DPP6: variants seen among roughly 807,000 people sequenced by gnomAD.
The protein encoded by DPP6 is A-type potassium channel modulatory protein DPP6.
A neutral mutation model predicts 122.6 loss-of-function variants in DPP6; 69 were observed. The observed-to-expected ratio is 0.56, with a 90% CI of 0.46 to 0.69. The LOEUF (loss-of-function observed/expected upper bound fraction) is 0.69. DPP6 is among the 30% of genes least tolerant of loss of function. The pLI, the probability that DPP6 is intolerant of heterozygous loss-of-function variation, is 0.00. For missense variants in DPP6, 928 were observed against 1,116.9 expected (o/e 0.83, Z 2.41); for synonymous variants, 418 against 433.1 (o/e 0.97, Z 0.43).
chr7:154,748,101 C>T (rs1432821002), intron 8 of DPP6, among the ~76,000 whole-genome samples: 2 of 152,292 alleles, frequency 1.3e-5, no homozygotes, highest in African/African-American at 2.4e-5. Flanking sequence ...GAACTCCTCC[C>T]GCTTCCGGCA....
chr7:153,944,338 G>A (rs915051936), intron 1 of DPP6, among the ~76,000 whole-genome samples: 5 of 152,180 alleles, frequency 3.3e-5, no homozygotes, highest in Non-Finnish European at 5.9e-5. Flanking sequence ...CACCCGAGGC[G>A]TGTGCTTGGA....
At chr7:153,898,695 G>A (rs894996099) in intron 1 of DPP6, among the ~76,000 whole-genome samples, 6 of 152,156 alleles carry the variant, frequency 3.9e-5, no homozygotes, top group African/African-American at 9.7e-5. Context: ...GAAAATGGCC[G>A]TCTTCAGTTG....
At chr7:154,678,103 G>T (rs1429852863) in intron 7 of DPP6, among the ~76,000 whole-genome samples, 1 of 152,166 alleles carries the variant, frequency 6.6e-6, no homozygotes, top group African/African-American at 2.4e-5. Context: ...AGTGCTCTGT[G>T]TCTAGCTAAA....
chr7:154,873,833 A>C (rs1436906647), intron 19 of DPP6, among the ~76,000 whole-genome samples: 3 of 129,664 alleles, frequency 2.3e-5, no homozygotes, highest in Admixed American at 1.5e-4. Context: ...CGCATACATA[A>C]ACACACACAT....
At chr7:154,474,813 T>C (rs1385906460) in intron 2 of DPP6, 126 bp from the exon 3 acceptor site, 1 of 667,472 alleles carries the variant, frequency 1.5e-6, no homozygotes, top group African/African-American at 1.8e-5. Flanking sequence ...TTTATCCCCA[T>C]TCACTTATGG....
chr7:153,896,697 T>A (rs1799428695), intron 1 of DPP6, among the ~76,000 whole-genome samples: 1 of 152,148 alleles, frequency 6.6e-6, no homozygotes, highest in Admixed American at 6.6e-5. Context: ...GCTGTCATCC[T>A]AGCTACTGAG....
At chr7:153,913,001 C>T (rs190735934) in intron 1 of DPP6, among the ~76,000 whole-genome samples, 3 of 152,134 alleles carry the variant, frequency 2.0e-5, no homozygotes, top group Admixed American at 6.5e-5. Flanking sequence ...TGGTAACCAA[C>T]GATGGAGGTT....
intron 1 of DPP6, among the ~76,000 whole-genome samples, chr7:154,269,099 C>G: frequency 6.6e-6 from 1 of 150,710 alleles, no homozygotes; most frequent in Admixed American, 6.7e-5. Flanking sequence ...CATTTTTAAG[C>G]CCCTGTGATA....
chr7:154,604,404 C>T (rs1473871940), intron 5 of DPP6, among the ~76,000 whole-genome samples: 1 of 120,160 alleles, frequency 8.3e-6, no homozygotes, highest in African/African-American at 2.6e-5. Flanking sequence ...TATTATTTGC[C>T]TTTTACTCTT....
rs144167621 is a variant in DPP6 at position 154,710,059 on chromosome 7, G to T, written c.763-17708G>T. Among the ~76,000 whole-genome samples, 42 of 152,342 alleles carry T rather than the reference G, an allele frequency of 2.8e-4. No individual in the cohort carries two copies. The East Asian group carries it at 6.6e-3, about 24-fold the overall frequency. ...GACGTCACACATGTGCACCTCTCCT[G>T]CAGTATTCAATGCTGCTGTCCCCCC... is the stretch of plus-strand genomic sequence containing the variant. On this transcript the variant is annotated intron_variant, in intron 7 of 25. Transcript: ENST00000377770.
intron 1 of DPP6, among the ~76,000 whole-genome samples, chr7:153,896,907 C>T (rs1276771825): frequency 6.6e-6 from 1 of 152,168 alleles, no homozygotes; most frequent in Non-Finnish European, 1.5e-5. Flanking sequence ...TTGCATTTAT[C>T]AGACCAAATC....
At chr7:154,172,258 G>A (rs916126487) in intron 1 of DPP6, among the ~76,000 whole-genome samples, 1 of 152,066 alleles carries the variant, frequency 6.6e-6, no homozygotes, top group Non-Finnish European at 1.5e-5. Context: ...TTATGTTGAC[G>A]AGAAGGAAAG....
chr7:154,200,929 A>G (rs1039355190), intron 1 of DPP6, among the ~76,000 whole-genome samples: 7 of 152,078 alleles, frequency 4.6e-5, no homozygotes, highest in African/African-American at 1.7e-4. Flanking sequence ...TCTTCTTAGA[A>G]TTGGTTTCCT....
Position 154,807,044 on chromosome 7 carries a change from T to C in DPP6, c.1598T>C (p.Val533Ala), listed in dbSNP as rs1798741154. The C allele has an allele frequency of 9.3e-6, 15 of 1,613,916 alleles. No homozygotes were observed. Among genetic ancestry groups the C allele is most frequent in the Non-Finnish European group, 1.3e-5 (15 of 1,179,868 alleles). Residue 533 changes from valine to alanine, a missense_variant, in exon 16 of 26, where the codon GTT (valine) becomes GCT (alanine). Physicochemically the swap from Val to Ala is moderately conservative, Grantham distance 64. Coordinates refer to ENST00000377770, the MANE Select transcript of DPP6 (RefSeq NM_130797.4). ...AGGCAGTGCCTCTCCTGTGACCTGGTTGAGAACTGCACCTACTTCAGCGCT... is the reference window on the plus strand; with the variant it reads ...AGGCAGTGCCTCTCCTGTGACCTGGCTGAGAACTGCACCTACTTCAGCGCT... ...FNRQCLSCDL[V>A]ENCTYFSASF...
chr7:154,322,005 G>A (rs1472809076), intron 1 of DPP6, among the ~76,000 whole-genome samples: 1 of 151,936 alleles, frequency 6.6e-6, no homozygotes, highest in Non-Finnish European at 1.5e-5. Flanking sequence ...CCCTCATAGA[G>A]AGAAGGCATC....
At chr7:154,277,771 T>G (rs2150944697) in intron 1 of DPP6, among the ~76,000 whole-genome samples, 1 of 152,254 alleles carries the variant, frequency 6.6e-6, no homozygotes, top group South Asian at 2.1e-4. Flanking sequence ...TCTCCAAAAA[T>G]AAAAAACTAA....
At chr7:154,786,955 C>A (rs1797376056) in intron 10 of DPP6, among the ~76,000 whole-genome samples, 1 of 152,192 alleles carries the variant, frequency 6.6e-6, no homozygotes, top group South Asian at 2.1e-4. Context: ...CTGTGCCCTC[C>A]AGCCTGACTC....
rs1248017323 is a variant in DPP6 at position 154,602,272 on chromosome 7, A to C, written c.627+35356A>C. On this transcript the variant is annotated intron_variant, in intron 5 of 25. Transcript: ENST00000377770. The stretch of plus-strand genomic sequence containing the variant: ...AGCAGTATTCTTCCATCATTTCACC[A>C]TACCATCCTTTCTGATATTTTGTTG... Among the ~76,000 whole-genome samples, 2 of 121,276 alleles carry C rather than the reference A, an allele frequency of 1.6e-5. 1 individual carries two copies. The highest frequency in any genetic ancestry group is 3.7e-5 in the Non-Finnish European group (2 of 53,824). 79.6% of individuals were successfully genotyped at this position (121,276 alleles called of 152,430 possible).
At position 154,863,187 on chromosome 7, in the gene DPP6, C is replaced by G. The variant is rs999384722; in HGVS notation, c.1715-4808C>G. Among the ~76,000 whole-genome samples the G allele has an allele frequency of 8.5e-5, 13 of 152,220 alleles. No individual in the cohort carries two copies. Among genetic ancestry groups the G allele is most frequent in the African/African-American group, 3.1e-4 (13 of 41,444 alleles). ...AAAGCATTGGGATTACAGACGTGAG[C>G]CACCGCACCCGAACCCTTTCCTTTG... On this transcript the variant is annotated intron_variant, in intron 17 of 25. Transcript: ENST00000377770. The surrounding 1 kb of genome is among the most constrained non-coding windows in gnomAD (Gnocchi z 4.1).
Sources: allele counts gnomAD v4.1 joint callset (sites outside exome capture counted in the v4.1 genomes callset), GRCh38; gene constraint gnomAD v4.1.1; non-coding constraint Gnocchi (gnomAD v3.1); transcripts MANE v1.5; gene names NCBI Gene and HGNC (gene_info 2026-07-23, HGNC 2026-07-21).